SMAD3: variants seen among roughly 807,000 people sequenced by gnomAD.
SMAD3 encodes SMAD family member 3.
Under a neutral mutation model 51.8 loss-of-function variants are expected in SMAD3, and 12 were observed. The observed-to-expected ratio is 0.23, with a 90% CI of 0.15 to 0.38. The LOEUF is 0.38. Ranked by LOEUF, SMAD3 falls within the 10% of genes least tolerant of loss-of-function variation. The pLI, the probability that SMAD3 is intolerant of heterozygous loss-of-function variation, is 1.00. For missense variants in SMAD3, 294 were observed against 565.6 expected (o/e 0.52, Z 4.87); for synonymous variants, 238 against 227.7 (o/e 1.05, Z -0.41).
chr15:67,189,121 G>T (rs1013143950), intron 8 of SMAD3, among the ~76,000 whole-genome samples: 4 of 152,226 alleles, frequency 2.6e-5, no homozygotes, highest in Non-Finnish European at 5.9e-5. Context: ...GGGAACAGGA[G>T]TGAAAGGTTA....
At chr15:67,154,947 C>T (rs1377156932) in intron 1 of SMAD3, among the ~76,000 whole-genome samples, 1 of 152,204 alleles carries the variant, frequency 6.6e-6, no homozygotes, top group African/African-American at 2.4e-5. Context: ...GTGTTTTACA[C>T]ACGTCATTGG....
At chr15:67,140,439 G>A (rs1961787904) in intron 1 of SMAD3, among the ~76,000 whole-genome samples, 1 of 152,060 alleles carries the variant, frequency 6.6e-6, no homozygotes, top group Non-Finnish European at 1.5e-5. Flanking sequence ...CTTTACTTCT[G>A]CCTACCTTAG....
chr15:67,125,758 C>T lies in SMAD3; in HGVS notation c.207-39137C>T, dbSNP rs537772642. 5.1e-6 allele frequency: 5 copies of T among 985,704 alleles called. No homozygotes were observed. The East Asian group carries it at 3.4e-4, about 66-fold the overall frequency. The allele number at this position is 985,704 out of a possible 1,614,324, so 61.1% of individuals were successfully genotyped here. On this transcript the variant is annotated intron_variant, in intron 1 of 8. Coordinates refer to ENST00000327367, the MANE Select transcript of SMAD3 (RefSeq NM_005902.4). ...TGCTGGAGGAGGATGACAGAGGAGC[C>T]TGCTGCTGAGTTCACTGGTGCTGGG...
intron 5 of SMAD3, among the ~76,000 whole-genome samples, chr15:67,174,795 C>G (rs1962844791): frequency 6.6e-6 from 1 of 152,190 alleles, no homozygotes; most frequent in African/African-American, 2.4e-5. Flanking sequence ...AATTACTGTA[C>G]AAAAAGAAAG....
Position 67,138,386 on chromosome 15 carries a change from G to A in SMAD3, c.207-26509G>A, listed in dbSNP as rs767829067. 8.5e-5 allele frequency: 37 copies of A among 434,792 alleles called. 1 individual carries two copies. Among genetic ancestry groups the A allele is most frequent in the Admixed American group, 1.4e-4 (4 of 28,538 alleles). 26.9% of individuals were successfully genotyped at this position (434,792 alleles called of 1,614,324 possible). A position where few individuals can be genotyped will look rare whatever the true frequency, so the allele number is the denominator to read the frequency against. ...CCCAGGATGGAGCTTGCTTGCCATC[G>A]CAGTGGATTTGCGGAAGAGGGTTCC... On this transcript the variant is annotated intron_variant, in intron 1 of 8. Transcript: ENST00000327367.
At chr15:67,070,764 CTG>C (rs1960034047) in intron 1 of SMAD3, among the ~76,000 whole-genome samples, 1 of 151,462 alleles carries the variant, frequency 6.6e-6, no homozygotes, top group South Asian at 2.1e-4. Flanking sequence ...TGACAGGCAT[CTG>C]TTTTTTTCTG....
At chr15:67,164,800 A>G in intron 1 of SMAD3, 95 bp from the exon 2 acceptor site, 1 of 1,275,476 alleles carries the variant, frequency 7.8e-7, no homozygotes, top group Non-Finnish European at 1.1e-6. Flanking sequence ...GGGGAGAGAG[A>G]GCTTTCCAAG....
At chr15:67,082,358 C>G (rs1960296590) in intron 1 of SMAD3, among the ~76,000 whole-genome samples, 1 of 152,168 alleles carries the variant, frequency 6.6e-6, no homozygotes, top group African/African-American at 2.4e-5. Flanking sequence ...CTGTCTCCAC[C>G]CCTCCACCAG....
At chr15:67,131,804 G>A (rs969960808) in intron 1 of SMAD3, among the ~76,000 whole-genome samples, 3 of 152,098 alleles carry the variant, frequency 2.0e-5, no homozygotes, top group East Asian at 3.8e-4. Flanking sequence ...CGTGTTAATT[G>A]GGGGCAGGGC....
At chr15:67,110,112 C>G (rs1389827672) in intron 1 of SMAD3, among the ~76,000 whole-genome samples, 1 of 152,204 alleles carries the variant, frequency 6.6e-6, no homozygotes, top group African/African-American at 2.4e-5. Flanking sequence ...CTGAACACCT[C>G]TAGGTCGTCA....
In SMAD3 at chr15:67,194,811, C is replaced by G. The variant is rs1316243723; in HGVS notation, c.*4275C>G. On this transcript the variant is annotated 3_prime_UTR_variant, in exon 9 of 9. Coordinates refer to ENST00000327367, the MANE Select transcript of SMAD3 (RefSeq NM_005902.4). ...TTCCACAAGGGTCCTCTGAACCAAG[C>G]CCCACTCCCTTGCTAGGGGTGAAAG... 4.3e-6 allele frequency: 1 copy of G among 232,468 alleles called. No homozygotes were observed. Among genetic ancestry groups the G allele is most frequent in the Non-Finnish European group, 8.5e-6 (1 of 117,272 alleles). 14.4% of individuals were successfully genotyped at this position (232,468 alleles called of 1,614,324 possible). A position where few individuals can be genotyped will look rare whatever the true frequency, so the allele number is the denominator to read the frequency against.
intron 1 of SMAD3, among the ~76,000 whole-genome samples, chr15:67,163,273 C>T (rs1962479905): frequency 6.6e-6 from 1 of 152,134 alleles, no homozygotes; most frequent in Non-Finnish European, 1.5e-5. Context: ...GCCGGTCTTG[C>T]CCAGTGGAAT....
intron 5 of SMAD3, among the ~76,000 whole-genome samples, chr15:67,177,422 G>GTTTTGTTTTTTTTT (rs542708691): frequency 1.1e-5 from 1 of 93,872 alleles, no homozygotes; most frequent in African/African-American, 3.9e-5. Flanking sequence ...AGTGTTTTGG[G>GTTTTGTTTTTTTTT]TTTTTTTTTT....
intron 1 of SMAD3, among the ~76,000 whole-genome samples, chr15:67,144,265 G>T (rs1172874936): frequency 1.3e-5 from 2 of 151,630 alleles, no homozygotes; most frequent in African/African-American, 4.9e-5. Context: ...TATGACTTTT[G>T]TCTGATTTTT....
At chr15:67,136,718 T>C (rs546762862) in intron 1 of SMAD3, among the ~76,000 whole-genome samples, 3 of 152,346 alleles carry the variant, frequency 2.0e-5, no homozygotes, top group African/African-American at 7.2e-5. Flanking sequence ...TATATAATTA[T>C]TGTGGAAAAT....
chr15:67,156,580 G>A (rs1040082212), intron 1 of SMAD3, among the ~76,000 whole-genome samples: 3 of 152,232 alleles, frequency 2.0e-5, no homozygotes, highest in Non-Finnish European at 4.4e-5. Flanking sequence ...TGGAGATAAT[G>A]ATACCTGCAA....
In SMAD3 at chr15:67,165,238, G is replaced by T; in HGVS notation, c.401-15G>T. ...ATCGACACTGAGCCACCTCTGCTCT[G>T]TCTCCCCCGGACAGTTCTACCTCCT... is the stretch of plus-strand genomic sequence containing the variant. On this transcript the variant is annotated splice_polypyrimidine_tract_variant and intron_variant, in intron 2 of 8. Transcript: ENST00000327367. The T allele has an allele frequency of 6.2e-7, 1 of 1,614,142 alleles. No homozygotes were observed. Among genetic ancestry groups the T allele is most frequent in the Non-Finnish European group, 8.5e-7 (1 of 1,180,026 alleles).
In SMAD3 at chr15:67,192,582, T is replaced by C. The variant is rs761162475; in HGVS notation, c.*2046T>C. The C allele has an allele frequency of 5.3e-4, 124 of 233,314 alleles. 1 individual carries two copies. Among genetic ancestry groups the C allele is most frequent in the Non-Finnish European group, 3.5e-4 (41 of 117,996 alleles). 14.5% of individuals were successfully genotyped at this position (233,314 alleles called of 1,614,324 possible). A position where few individuals can be genotyped will look rare whatever the true frequency, so the allele number is the denominator to read the frequency against. On this transcript the variant is annotated 3_prime_UTR_variant, in exon 9 of 9. Coordinates refer to ENST00000327367, the MANE Select transcript of SMAD3 (RefSeq NM_005902.4). ...TGGCTTCTGCTAGAGCAGTCATGGTTCCTCTCCTAAAAGCCATGGGCAGCA... is the reference window on the plus strand; with the variant it reads ...TGGCTTCTGCTAGAGCAGTCATGGTCCCTCTCCTAAAAGCCATGGGCAGCA...
chr15:67,130,458 C>T (rs531374890), intron 1 of SMAD3, among the ~76,000 whole-genome samples: 31 of 152,300 alleles, frequency 2.0e-4, no homozygotes, highest in East Asian at 9.7e-4. Flanking sequence ...GTCAGATAAG[C>T]GGCTGCATTA....
Sources: allele counts gnomAD v4.1 joint callset (sites outside exome capture counted in the v4.1 genomes callset), GRCh38; gene constraint gnomAD v4.1.1; transcripts MANE v1.5; gene names NCBI Gene and HGNC (gene_info 2026-07-23, HGNC 2026-07-21).